Variants in RBFOX1 observed in about 807,000 individuals in gnomAD.
RBFOX1 encodes the protein RNA binding fox-1 homolog 1, also known as RNA binding protein fox-1 homolog 1.
A neutral mutation model predicts 57.7 loss-of-function variants in RBFOX1; 8 were observed. The ratio of observed to expected loss-of-function variants is 0.14; its 90% CI spans 0.08 to 0.25. The LOEUF (loss-of-function observed/expected upper bound fraction) is 0.25, where lower values mean the gene tolerates loss of function less well. Ranked by LOEUF, RBFOX1 falls within the 10% of genes least tolerant of loss-of-function variation. The pLI, the probability that RBFOX1 is intolerant of heterozygous loss-of-function variation, is 1.00. For synonymous variants in RBFOX1, 326 were observed against 222.4 expected, an observed-to-expected ratio of 1.47 and a Z score of -4.15; for missense variants, 611 against 548.5, an observed-to-expected ratio of 1.11 and a Z score of -1.14.
intron 4 of RBFOX1, among the ~76,000 whole-genome samples, chr16:6,012,101 A>C (rs1351961054): frequency 6.6e-6 from 1 of 152,172 alleles, no homozygotes; most frequent in East Asian, 1.9e-4. Context: ...AATTCTCCCG[A>C]CAATGCTGGT....
intron 2 of RBFOX1, among the ~76,000 whole-genome samples, chr16:5,546,776 T>A (rs1014129944): frequency 3.9e-5 from 6 of 152,224 alleles, no homozygotes; most frequent in African/African-American, 1.4e-4. Flanking sequence ...TTGAACTTCA[T>A]CAAAATTAAA....
At chr16:5,790,937 C>T (rs191218124) in intron 3 of RBFOX1, among the ~76,000 whole-genome samples, 10 of 145,562 alleles carry the variant, frequency 6.9e-5, no homozygotes, top group South Asian at 6.5e-4. Context: ...GGTGTGATTT[C>T]GGCACACTGC....
chr16:7,606,398 G>A (rs1489700133), intron 9 of RBFOX1, among the ~76,000 whole-genome samples: 2 of 152,178 alleles, frequency 1.3e-5, no homozygotes, highest in African/African-American at 4.8e-5. Flanking sequence ...TGGGACTACA[G>A]GCATGAGCCA....
At chr16:7,269,088 A>G (rs1428507305) in intron 4 of RBFOX1, among the ~76,000 whole-genome samples, 2 of 149,472 alleles carry the variant, frequency 1.3e-5, no homozygotes, top group Non-Finnish European at 3.0e-5. Flanking sequence ...CCTCTGGATC[A>G]CATTAACCCT....
chr16:5,830,973 C>G (rs868639009), intron 3 of RBFOX1, among the ~76,000 whole-genome samples: 6 of 152,140 alleles, frequency 3.9e-5, no homozygotes, highest in Admixed American at 1.3e-4. Context: ...CCTATCCCCC[C>G]CCAACTCTGT....
At chr16:7,165,119 C>A (rs1429059197) in intron 4 of RBFOX1, among the ~76,000 whole-genome samples, 3 of 152,150 alleles carry the variant, frequency 2.0e-5, no homozygotes, top group African/African-American at 4.8e-5. Flanking sequence ...CAGTAGTCAT[C>A]CATTTTCGCA....
chr16:5,875,650 C>T (rs1597598119), intron 4 of RBFOX1, among the ~76,000 whole-genome samples: 1 of 152,244 alleles, frequency 6.6e-6, no homozygotes, highest in African/African-American at 2.4e-5. Flanking sequence ...GCAGAAGTAT[C>T]AACTAGAACC....
intron 2 of RBFOX1, among the ~76,000 whole-genome samples, chr16:6,454,835 A>G (rs1401963866): frequency 1.5e-5 from 2 of 136,696 alleles, no homozygotes; most frequent in Non-Finnish European, 3.1e-5. Context: ...TTATTCTCTC[A>G]TACTCTATTT....
intron 11 of RBFOX1, among the ~76,000 whole-genome samples, chr16:7,637,649 A>T (rs2061992150): frequency 1.3e-5 from 2 of 152,210 alleles, no homozygotes; most frequent in African/African-American, 4.8e-5. Context: ...GGACACATAC[A>T]GGTCATTTTG....
intron 4 of RBFOX1, among the ~76,000 whole-genome samples, chr16:7,326,542 T>C (rs187940394): frequency 4.6e-5 from 7 of 152,244 alleles, no homozygotes; most frequent in Admixed American, 3.9e-4. Flanking sequence ...GAAAACATTC[T>C]GAAGAATGAA....
At chr16:6,620,855 C>T (rs554608873) in intron 2 of RBFOX1, among the ~76,000 whole-genome samples, 12 of 152,274 alleles carry the variant, frequency 7.9e-5, no homozygotes, top group Admixed American at 3.9e-4. Context: ...ACCAAAGCTC[C>T]ACACTTAAAA....
intron 4 of RBFOX1, among the ~76,000 whole-genome samples, chr16:7,324,039 GTT>G (rs963979318): frequency 2.6e-5 from 4 of 152,026 alleles, no homozygotes; most frequent in Non-Finnish European, 5.9e-5. Flanking sequence ...GTTTTGTTTT[GTT>G]TTCTTCTTTA....
At chr16:7,238,645 A>T (rs891729881) in intron 4 of RBFOX1, among the ~76,000 whole-genome samples, 1 of 152,048 alleles carries the variant, frequency 6.6e-6, no homozygotes, top group Non-Finnish European at 1.5e-5. Context: ...TTTTTTTGTA[A>T]CTTTTATTTT....
chr16:7,630,117 C>T (rs1278127752), intron 10 of RBFOX1, among the ~76,000 whole-genome samples: 2 of 151,704 alleles, frequency 1.3e-5, no homozygotes, highest in Non-Finnish European at 2.9e-5. Flanking sequence ...CAGCCCCTGC[C>T]CTGGGTACGT....
chr16:7,670,852 C>CTT (rs1463404195), intron 13 of RBFOX1, among the ~76,000 whole-genome samples: 1 of 152,166 alleles, frequency 6.6e-6, no homozygotes, highest in Non-Finnish European at 1.5e-5. Flanking sequence ...ATGAATGACT[C>CTT]TTATGTCAAA....
Position 6,785,108 on chromosome 16 carries a change from C to T in RBFOX1, c.-16+130458C>T, listed in dbSNP as rs377583432. Among the ~76,000 whole-genome samples, 21 of 152,072 alleles carry T rather than the reference C, an allele frequency of 1.4e-4. No homozygotes were observed. In the East Asian group the frequency reaches 2.3e-3, roughly 17 times the overall value. ...TGACTTTAGAAAGTGGTCATGGTTCCTTCCAAAAATATTCATTATTAAATA... is the reference window on the plus strand; with the variant it reads ...TGACTTTAGAAAGTGGTCATGGTTCTTTCCAAAAATATTCATTATTAAATA... On this transcript the variant is annotated intron_variant, in intron 3 of 15. Transcript: ENST00000550418.
intron 2 of RBFOX1, among the ~76,000 whole-genome samples, chr16:5,592,153 A>G (rs1203308899): frequency 1.4e-5 from 2 of 147,890 alleles, no homozygotes; most frequent in African/African-American, 2.6e-5. Context: ...AATTGTCTGT[A>G]CATTTCCTTT....
At chr16:6,991,831 G>T (rs1285717946) in intron 3 of RBFOX1, among the ~76,000 whole-genome samples, 1 of 152,100 alleles carries the variant, frequency 6.6e-6, no homozygotes, top group Non-Finnish European at 1.5e-5. Flanking sequence ...TGACCCACCA[G>T]GCCCAGCCCA....
chr16:7,136,619 G>A (rs979699342), intron 4 of RBFOX1, among the ~76,000 whole-genome samples: 2 of 151,984 alleles, frequency 1.3e-5, no homozygotes, highest in African/African-American at 2.4e-5. Flanking sequence ...GTCTCATAAT[G>A]TTGCCCAGGC....
Sources: gnomAD v4.1 joint callset for allele counts (sites outside exome capture counted in the v4.1 genomes callset) on GRCh38, gnomAD v4.1.1 for gene constraint, MANE v1.5 for transcripts, NCBI Gene and HGNC (gene_info 2026-07-23, HGNC 2026-07-21) for gene names.